SPARCL1: variants seen among roughly 807,000 people sequenced by gnomAD.
SPARCL1 encodes SPARC like 1, also known as SPARC-like protein 1.
In SPARCL1, 52 loss-of-function variants were observed where a neutral mutation model predicts 67.1. The ratio of observed to expected loss-of-function variants is 0.78; its 90% CI spans 0.62 to 0.98. SPARCL1 has a LOEUF of 0.98. Among genes scored for constraint, SPARCL1 ranks in the 50% least tolerant of loss-of-function variants. The pLI, the probability that SPARCL1 is intolerant of heterozygous loss-of-function variation, is 0.00. For synonymous variants in SPARCL1, 226 were observed against 267.8 expected (o/e 0.84, Z 1.52); for missense variants, 717 against 782.4 (o/e 0.92, Z 1.00).
intron 8 of SPARCL1, among the ~76,000 whole-genome samples, chr4:87,481,282 G>A (rs919029060): frequency 1.5e-4 from 23 of 152,200 alleles, no homozygotes; most frequent in African/African-American, 3.4e-4. Flanking sequence ...GCAGTTGTGC[G>A]CATTCTCTGC....
In SPARCL1 at chr4:87,490,399, G is replaced by A. The variant is rs1724270602; in HGVS notation, c.1411-6C>T. On this transcript the variant is annotated splice_polypyrimidine_tract_variant and splice_region_variant and intron_variant, in intron 6 of 10. Coordinates refer to ENST00000282470, the MANE Select transcript of SPARCL1 (RefSeq NM_004684.6). Reference sequence around the variant, plus strand: ...TGATTGTCAGTGCCACAAACCTATGGAAGATAAGTAGAAGAAAAAGCTGAT... The same window carrying A: ...TGATTGTCAGTGCCACAAACCTATGAAAGATAAGTAGAAGAAAAAGCTGAT... The A allele has an allele frequency of 1.9e-6, 3 of 1,598,218 alleles. No homozygotes were observed. Among genetic ancestry groups the A allele is most frequent in the Non-Finnish European group, 2.6e-6 (3 of 1,175,334 alleles).
intron 10 of SPARCL1, among the ~76,000 whole-genome samples, chr4:87,476,393 A>G (rs893403431): frequency 6.6e-6 from 1 of 152,120 alleles, no homozygotes; most frequent in Non-Finnish European, 1.5e-5. Flanking sequence ...TCACTCCCCT[A>G]GTTCAAGTTC....
intron 1 of SPARCL1, among the ~76,000 whole-genome samples, chr4:87,508,889 GTA>G (rs142792848): frequency 0.15 from 21,007 of 138,272 alleles, 1,840 homozygotes; most frequent in African/African-American, 0.25. Context: ...ATGTATATAA[GTA>G]TATATATATA....
intron 7 of SPARCL1, among the ~76,000 whole-genome samples, chr4:87,489,731 A>C (rs1186169206): frequency 6.6e-6 from 1 of 152,212 alleles, no homozygotes; most frequent in African/African-American, 2.4e-5. Context: ...CAGGAGGCTG[A>C]CATGTTTCAT....
intron 1 of SPARCL1, among the ~76,000 whole-genome samples, chr4:87,506,768 CTCTATCTATCTATCATCTA>C (rs72053335): frequency 0.14 from 17,802 of 124,128 alleles, 1,185 homozygotes; most frequent in South Asian, 0.24. Flanking sequence ...TTATCTATAT[CTCTATCTATCTATCATCTA>C]TCTATCTATC....
Position 87,494,062 on chromosome 4 carries a change from C to T in SPARCL1, c.738G>A (p.Glu246=), listed in dbSNP as rs1275606071. 1.2e-6 allele frequency: 2 copies of T among 1,613,940 alleles called. No individual in the cohort carries two copies. Among genetic ancestry groups the T allele is most frequent in the Non-Finnish European group, 1.7e-6 (2 of 1,180,026 alleles). The change falls in exon 4 of 11, where the codon GAG becomes GAA. Residue 246 remains glutamate, a synonymous_variant. Coordinates refer to ENST00000282470, the MANE Select transcript of SPARCL1 (RefSeq NM_004684.6). ...TGCTTACTTGAGTTGGTTGATCAGACTCTTCCAAAATATCATCAGATTGGG... is the reference window on the plus strand; with the variant it reads ...TGCTTACTTGAGTTGGTTGATCAGATTCTTCCAAAATATCATCAGATTGGG... ...DNTQSDDILE[E]SDQPTQVSKM...
At position 87,490,663 on chromosome 4, in the gene SPARCL1, A is replaced by G. The variant is rs984021642; in HGVS notation, c.1410+97T>C. The G allele has an allele frequency of 3.3e-5, 28 of 840,598 alleles. 1 individual carries two copies. In the Admixed American group the frequency reaches 6.4e-4, roughly 19 times the overall value. The allele number at this position is 840,598 out of a possible 1,614,324, so 52.1% of individuals were successfully genotyped here. ...CAAATAACCAAATGATAACCTAGGT[A>G]TCTACCTTTTTTAAGCAAAAATTTC... On this transcript the variant is annotated intron_variant, in intron 6 of 10. Transcript: ENST00000282470.
At chr4:87,512,403 G>A (rs531831507) in intron 1 of SPARCL1, among the ~76,000 whole-genome samples, 1 of 152,256 alleles carries the variant, frequency 6.6e-6, no homozygotes, top group East Asian at 1.9e-4. Context: ...ATTTCCCTAT[G>A]ATGTGGGCCT....
chr4:87,519,518 T>G (rs17012761), intron 1 of SPARCL1, among the ~76,000 whole-genome samples: 40,172 of 152,110 alleles, frequency 0.26, 5,568 homozygotes, highest in South Asian at 0.41. Flanking sequence ...TTGAACCTAG[T>G]GTAAAGTTTG....
chr4:87,519,763 CT>C (rs1725729544), intron 1 of SPARCL1, among the ~76,000 whole-genome samples: 2 of 152,170 alleles, frequency 1.3e-5, no homozygotes, highest in Admixed American at 6.5e-5. Context: ...CAATTATAGA[CT>C]TGTGTCAAGT....
chr4:87,490,451 T>C, intron 6 of SPARCL1, 58 bp from the exon 7 acceptor site: 3 of 1,558,496 alleles, frequency 1.9e-6, no homozygotes, highest in Non-Finnish European at 2.6e-6. Flanking sequence ...TGGAAGACAC[T>C]CTGCTCCTTA....
In SPARCL1 at chr4:87,481,171, C is replaced by T. The variant is rs191519468; in HGVS notation, c.1669-651G>A. ...TGGAAGCAAACAGGACCTCCACCTG[C>T]TCCCAGAACCACAACTTTGCTCCCT... On this transcript the variant is annotated intron_variant, in intron 8 of 10. Transcript: ENST00000282470. 3.0e-3 allele frequency among the ~76,000 whole-genome samples: 452 copies of T among 152,306 alleles called. 1 individual carries two copies. The highest frequency in any genetic ancestry group is 0.01 in the African/African-American group (427 of 41,564).
intron 10 of SPARCL1, among the ~76,000 whole-genome samples, chr4:87,474,741 C>T (rs904399526): frequency 4.7e-5 from 3 of 64,158 alleles, no homozygotes; most frequent in African/African-American, 4.7e-5. Flanking sequence ...TTCTCTCTCT[C>T]TCTTTTTTTT....
At chr4:87,503,558 A>G (rs1004703148) in intron 1 of SPARCL1, among the ~76,000 whole-genome samples, 1 of 151,468 alleles carries the variant, frequency 6.6e-6, no homozygotes, top group East Asian at 1.9e-4. Context: ...GATGACTTCC[A>G]TTTCATATTT....
intron 1 of SPARCL1, among the ~76,000 whole-genome samples, chr4:87,521,702 G>T (rs1725825770): frequency 6.6e-6 from 1 of 152,168 alleles, no homozygotes; most frequent in Admixed American, 6.5e-5. Flanking sequence ...AAAGTTTAAT[G>T]AACTAAGAAA....
chr4:87,486,118 T>C lies in SPARCL1; in HGVS notation c.1532-3558A>G, dbSNP rs181389371. ...CTTGTCTTCTGCTAGCTTTTGAATG[T>C]GTTTGCTCTTGCTTCTCTAGTTCTT... On this transcript the variant is annotated intron_variant, in intron 7 of 10. Transcript: ENST00000282470. 5.8e-4 allele frequency among the ~76,000 whole-genome samples: 89 copies of C among 152,280 alleles called. No individual in the cohort carries two copies. The Middle Eastern group carries it at 0.01, about 17-fold the overall frequency.
chr4:87,518,132 T>A (rs1054747021), intron 1 of SPARCL1, among the ~76,000 whole-genome samples: 1 of 152,186 alleles, frequency 6.6e-6, no homozygotes, highest in Non-Finnish European at 1.5e-5. Flanking sequence ...CCTAATGGAT[T>A]TTAAGGCTAG....
At chr4:87,517,368 T>C (rs12643464) in intron 1 of SPARCL1, among the ~76,000 whole-genome samples, 43,578 of 152,044 alleles carry the variant, frequency 0.29, 6,882 homozygotes, top group East Asian at 0.59. Context: ...ACCCTGAATC[T>C]GCTCTTAGGA....
intron 3 of SPARCL1, 136 bp downstream of exon 3, chr4:87,494,845 A>G: frequency 1.3e-6 from 1 of 798,138 alleles, no homozygotes; most frequent in South Asian, 1.9e-5. Flanking sequence ...TAGTGATTGG[A>G]GGCAGTTGAG....
Sources: allele counts gnomAD v4.1 joint callset (sites outside exome capture counted in the v4.1 genomes callset), GRCh38; gene constraint gnomAD v4.1.1; transcripts MANE v1.5; gene names NCBI Gene and HGNC (gene_info 2026-07-23, HGNC 2026-07-21).